The following SYNE2 variants were observed in gnomAD, a reference collection of about 807,000 sequenced individuals.
SYNE2 encodes nesprin-2.
In SYNE2, 431 loss-of-function variants were observed where a neutral mutation model predicts 856.3. That is an observed-to-expected ratio of 0.50 (90% confidence interval 0.47 to 0.55). The LOEUF (loss-of-function observed/expected upper bound fraction) is 0.55. SYNE2 is among the 20% of genes least tolerant of loss of function. SYNE2 has a pLI of 0.00. For synonymous variants in SYNE2, 2,923 were observed against 2,872.3 expected (o/e 1.02, Z -0.56); for missense variants, 8,129 against 8,023.2 (o/e 1.01, Z -0.50).
intron 34 of SYNE2, among the ~76,000 whole-genome samples, chr14:64,018,764 CCTT>C (rs1567066747): frequency 6.6e-6 from 1 of 152,146 alleles, no homozygotes; most frequent in East Asian, 1.9e-4. Flanking sequence ...TTTTAGACGG[CCTT>C]CTTCATATTT....
chr14:63,830,589 T>C (rs1005052619), intron 1 of SYNE2, among the ~76,000 whole-genome samples: 33 of 151,626 alleles, frequency 2.2e-4, no homozygotes, highest in Non-Finnish European at 4.6e-4. Context: ...TGAGCCCAGG[T>C]GTTCAAGGCT....
At chr14:64,091,142 C>T in intron 60 of SYNE2, 94 bp downstream of exon 60, 1 of 1,184,218 alleles carries the variant, frequency 8.4e-7, no homozygotes, top group Non-Finnish European at 1.2e-6. Context: ...CATTATTATC[C>T]TATTATTGTA....
At chr14:64,012,723 A>G (rs143848944) in intron 32 of SYNE2, among the ~76,000 whole-genome samples, 13 of 152,370 alleles carry the variant, frequency 8.5e-5, no homozygotes, top group African/African-American at 2.9e-4. Context: ...TGTATGAAAG[A>G]TATAGAAGTT....
intron 19 of SYNE2, among the ~76,000 whole-genome samples, chr14:63,989,758 C>T (rs2096653095): frequency 6.6e-6 from 1 of 152,202 alleles, no homozygotes; most frequent in Non-Finnish European, 1.5e-5. Flanking sequence ...TCAAGCAGTT[C>T]TCCTGCCTCA....
chr14:63,954,693 G>C lies in SYNE2; in HGVS notation c.591-26G>C, dbSNP rs767426656. ...TGTTACGTTCTTTTTAATGGTATTT[G>C]TCATGTTTTTGTCTTTTTATGATAG... On this transcript the variant is annotated intron_variant, in intron 7 of 115. Transcript: ENST00000555002. The C allele has an allele frequency of 4.4e-6, 7 of 1,605,822 alleles. No individual in the cohort carries two copies. The East Asian group carries it at 1.6e-4, about 36-fold the overall frequency.
At chr14:63,983,937 C>G in intron 18 of SYNE2, 51 bp downstream of exon 18, 1 of 1,346,168 alleles carries the variant, frequency 7.4e-7, no homozygotes, top group Non-Finnish European at 1.0e-6. Flanking sequence ...AATAATTTAA[C>G]TTTGCTATTA....
intron 67 of SYNE2, among the ~76,000 whole-genome samples, chr14:64,120,720 G>A (rs944814884): frequency 1.3e-5 from 2 of 152,154 alleles, no homozygotes; most frequent in African/African-American, 4.8e-5. Context: ...CCAAGATCAT[G>A]CCCTTGCACT....
At chr14:64,073,225 C>A (rs139066771) in intron 52 of SYNE2, among the ~76,000 whole-genome samples, 1 of 152,220 alleles carries the variant, frequency 6.6e-6, no homozygotes, top group East Asian at 1.9e-4. Flanking sequence ...AAGTTCCAAC[C>A]TTTTAATCAC....
chr14:63,968,370 C>T (rs952404216), intron 11 of SYNE2, among the ~76,000 whole-genome samples: 8 of 152,108 alleles, frequency 5.3e-5, no homozygotes, highest in African/African-American at 1.9e-4. Context: ...AAAACGCAAG[C>T]TTATCCAAGC....
chr14:64,065,609 T>A lies in SYNE2; in HGVS notation c.10390T>A (p.Cys3464Ser), dbSNP rs1192054496. The A allele has an allele frequency of 1.2e-6, 2 of 1,614,066 alleles. No individual in the cohort carries two copies. The highest frequency in any genetic ancestry group is 1.7e-6 in the Non-Finnish European group (2 of 1,180,042). Reference sequence around the variant, plus strand: ...AGCTGCTAAAGAGTGGGAGATGTGGTGCGAAGAACTGAAGCAGGAATGGAA... The same window carrying A: ...AGCTGCTAAAGAGTGGGAGATGTGGAGCGAAGAACTGAAGCAGGAATGGAA... ...LEAAKEWEMW[C>S]EELKQEWKFV... Residue 3464 changes from cysteine (C) to serine (S), a missense_variant, in exon 51 of 116, where the codon TGC (cysteine) becomes AGC (serine). Cys to Ser is a moderately radical substitution (Grantham distance 112). Around this residue, in one of 3 missense-constraint regions of SYNE2, gnomAD observed 5,410 missense variants for 5,284.8 expected, o/e 1.02. Transcript: ENST00000555002.
At chr14:64,149,463 T>A (rs186773077) in intron 84 of SYNE2, among the ~76,000 whole-genome samples, 2 of 152,286 alleles carry the variant, frequency 1.3e-5, no homozygotes, top group African/African-American at 4.8e-5. Flanking sequence ...ATGAAGACAT[T>A]AGGATTGAAA....
intron 16 of SYNE2, 92 bp from the exon 17 acceptor site, chr14:63,982,527 AAAAAAAAAAAG>A: frequency 6.4e-6 from 8 of 1,257,550 alleles, no homozygotes; most frequent in South Asian, 2.7e-5. Context: ...CTCAAAAAAA[AAAAAAAAAAAG>A]AAAAGAAAAA....
Position 64,014,974 on chromosome 14 carries a change from T to TACACACAC in SYNE2, c.4729-1487_4729-1480dup, listed in dbSNP as rs1162341254. ...ATATATATATATATATATATATATA[T>TACACACAC]ACACACACACACACACACATATATA... On this transcript the variant is annotated intron_variant, in intron 32 of 115. Transcript: ENST00000555002. Among the ~76,000 whole-genome samples the TACACACAC allele has an allele frequency of 1.4e-3, 119 of 84,850 alleles. 2 individuals are homozygous for TACACACAC. Among genetic ancestry groups the TACACACAC allele is most frequent in the African/African-American group, 5.0e-3 (118 of 23,610 alleles). The allele number at this position is 84,850 out of a possible 152,430, so 55.7% of individuals were successfully genotyped here. A position where few individuals can be genotyped will look rare whatever the true frequency, so the allele number is the denominator to read the frequency against.
At chr14:64,044,811 G>A (rs1021157212) in intron 45 of SYNE2, among the ~76,000 whole-genome samples, 11 of 152,054 alleles carry the variant, frequency 7.2e-5, no homozygotes, top group East Asian at 1.9e-4. Flanking sequence ...CTTGCCTTCC[G>A]CCATGATTGT....
chr14:64,164,333 A>G (rs1179249771), intron 89 of SYNE2, among the ~76,000 whole-genome samples: 1 of 152,044 alleles, frequency 6.6e-6, no homozygotes, highest in Non-Finnish European at 1.5e-5. Flanking sequence ...GATGGTCTCA[A>G]TCTCCTGACC....
chr14:63,855,463 C>G (rs1891472145), intron 1 of SYNE2, among the ~76,000 whole-genome samples: 1 of 152,164 alleles, frequency 6.6e-6, no homozygotes, highest in Non-Finnish European at 1.5e-5. Flanking sequence ...CCTCCCTACT[C>G]GAGTGTCTAC....
intron 1 of SYNE2, among the ~76,000 whole-genome samples, chr14:63,870,947 T>C (rs1338620959): frequency 6.6e-6 from 1 of 152,224 alleles, no homozygotes; most frequent in Non-Finnish European, 1.5e-5. Flanking sequence ...GATTCATTTA[T>C]TTTCCAGCTG....
chr14:63,897,788 C>T (rs1016240776), intron 1 of SYNE2, among the ~76,000 whole-genome samples: 3 of 152,178 alleles, frequency 2.0e-5, no homozygotes, highest in Admixed American at 2.0e-4. Flanking sequence ...ACCACCCATG[C>T]TCCCCCTGCT....
intron 110 of SYNE2, among the ~76,000 whole-genome samples, chr14:64,219,825 A>T (rs17179404): frequency 0.26 from 38,878 of 152,084 alleles, 5,169 homozygotes; most frequent in Middle Eastern, 0.33. Flanking sequence ...GGACCGGCTC[A>T]CCTACTGATG....
Sources: allele counts gnomAD v4.1 joint callset (sites outside exome capture counted in the v4.1 genomes callset), GRCh38; gene constraint gnomAD v4.1.1; regional missense constraint gnomAD v4.1.1; transcripts MANE v1.5; gene names NCBI Gene and HGNC (gene_info 2026-07-23, HGNC 2026-07-21).